TTC21B: variants seen among roughly 807,000 people sequenced by gnomAD.
TTC21B encodes tetratricopeptide repeat protein 21B.
A neutral mutation model predicts 175.1 loss-of-function variants in TTC21B; 127 were observed. The ratio of observed to expected loss-of-function variants is 0.73; its 90% CI spans 0.63 to 0.84. The LOEUF is 0.84. TTC21B is among the 40% of genes least tolerant of loss of function. TTC21B has a pLI of 0.00. For synonymous variants in TTC21B, 524 were observed against 524.5 expected, an observed-to-expected ratio of 1.00 and a Z score of 0.01; for missense variants, 1,561 against 1,558.3, an observed-to-expected ratio of 1.00 and a Z score of -0.03.
At position 165,930,079 on chromosome 2, in the gene TTC21B, C is replaced by T. The variant is rs1686830421; in HGVS notation, c.1087+93G>A. ...TAGAGAACAATTTAAGTTTAGAAAA[C>T]CACAAAATCCATGTGTTCTTCTCTA... is the stretch of plus-strand genomic sequence containing the variant. On this transcript the variant is annotated intron_variant, in intron 9 of 28. Coordinates refer to ENST00000243344, the MANE Select transcript of TTC21B (RefSeq NM_024753.5). 7.4e-5 allele frequency: 95 copies of T among 1,287,186 alleles called. 6 individuals carry two copies. In the South Asian group the frequency reaches 1.2e-3, roughly 16 times the overall value. 79.7% of individuals were successfully genotyped at this position (1,287,186 alleles called of 1,614,324 possible).
At chr2:165,911,732 A>T (rs982238612) in intron 17 of TTC21B, among the ~76,000 whole-genome samples, 1 of 151,282 alleles carries the variant, frequency 6.6e-6, no homozygotes, top group African/African-American at 2.4e-5. Context: ...ATGCAATCTC[A>T]GCTCACTGCA....
Position 165,884,644 on chromosome 2 carries a change from T to G in TTC21B, c.3460-626A>C, listed in dbSNP as rs114435863. Among the ~76,000 whole-genome samples, 784 of 152,364 alleles carry G rather than the reference T, an allele frequency of 5.1e-3. 4 individuals are homozygous for G. The highest frequency in any genetic ancestry group is 9.0e-3 in the Non-Finnish European group (612 of 68,036). ...ATGCCTTAAAATATGCTTTTAGATT[T>G]GGAGTCTGCAGCTTCCTAAAACAAT... On this transcript the variant is annotated intron_variant, in intron 25 of 28. Transcript: ENST00000243344.
At chr2:165,890,298 T>C (rs1372759180) in intron 24 of TTC21B, among the ~76,000 whole-genome samples, 181 bp downstream of exon 24, 2 of 152,200 alleles carry the variant, frequency 1.3e-5, no homozygotes, top group Admixed American at 6.5e-5. Flanking sequence ...TTCTATTGAA[T>C]AACTATTCAA....
chr2:165,888,716 T>C (rs1025468214), intron 24 of TTC21B, among the ~76,000 whole-genome samples: 4 of 152,220 alleles, frequency 2.6e-5, no homozygotes, highest in African/African-American at 9.6e-5. Flanking sequence ...AAGCATTAAT[T>C]TCCTCTAGAA....
Position 165,924,661 on chromosome 2 carries a change from T to C in TTC21B, c.1404A>G (p.Gln468=). 1.9e-6 allele frequency: 3 copies of C among 1,613,664 alleles called. No individual in the cohort carries two copies. Among genetic ancestry groups the C allele is most frequent in the South Asian group, 1.1e-5 (1 of 91,056 alleles). Residue 468 remains glutamine (Q), a synonymous_variant, in exon 12 of 29, where the codon CAA becomes CAG. Transcript: ENST00000243344. ...FCPMQPASPG[Q]PLCPLLRRCI... ...AACGCCTGAGAAGTGGACAAAGAGG[T>C]TGCCCAGGACTTGCAGGCTAAACAA... is the stretch of plus-strand genomic sequence containing the variant.
intron 22 of TTC21B, among the ~76,000 whole-genome samples, chr2:165,897,668 C>A (rs1685415566): frequency 6.6e-6 from 1 of 152,040 alleles, no homozygotes; most frequent in South Asian, 2.1e-4. Flanking sequence ...GGATATAAAG[C>A]CACGCACCTG....
chr2:165,883,878 C>T lies in TTC21B; in HGVS notation c.3600G>A (p.Trp1200Ter). 6.2e-7 allele frequency: 1 copy of T among 1,614,080 alleles called. No homozygotes were observed. The highest frequency in any genetic ancestry group is 8.5e-7 in the Non-Finnish European group (1 of 1,179,992). Residue 1200 changes from tryptophan (W) to a stop codon, truncating the protein, a stop_gained, in exon 26 of 29, where the codon TGG becomes TGA. Coordinates refer to ENST00000243344, the MANE Select transcript of TTC21B (RefSeq NM_024753.5). LOFTEE classifies it high-confidence loss of function. The stretch of plus-strand genomic sequence containing the variant: ...GAATGTAAATATCAGCAAGTAGCAG[C>T]CAACTCTTCTCAAACTCTTCAGCAT... ...AIDAEEFEKS[W>*]LLLADIYIQS... is the part of the protein sequence containing the mutation.
chr2:165,941,099 G>A lies in TTC21B; in HGVS notation c.638C>T (p.Pro213Leu), dbSNP rs1458251316. The change falls in exon 6 of 29, where the codon CCT becomes CTT. Residue 213 changes from proline (P) to leucine (L), a missense_variant. By Grantham distance (98) the Pro-to-Leu change is moderately conservative. Coordinates refer to ENST00000243344, the MANE Select transcript of TTC21B (RefSeq NM_024753.5). ...TAATTTCATTTTCTTAACAAAAGCAGGAAGGAAGCTCGGAAAATTCACGAT... is the reference window on the plus strand; with the variant it reads ...TAATTTCATTTTCTTAACAAAAGCAAGAAGGAAGCTCGGAAAATTCACGAT... ...QIIVNFPSFLPAFVKKMKLQL... is the reference protein window; with the variant it reads ...QIIVNFPSFLLAFVKKMKLQL... The A allele has an allele frequency of 6.2e-7, 1 of 1,613,928 alleles. No homozygotes were observed. Among genetic ancestry groups the A allele is most frequent in the South Asian group, 1.1e-5 (1 of 91,078 alleles).
chr2:165,904,511 C>G (rs946286828), intron 19 of TTC21B, among the ~76,000 whole-genome samples: 1 of 152,204 alleles, frequency 6.6e-6, no homozygotes. Flanking sequence ...AACCAAAACA[C>G]TACAAATTAA....
intron 11 of TTC21B, 143 bp from the exon 12 acceptor site, chr2:165,924,821 T>C: frequency 1.2e-6 from 1 of 859,110 alleles, no homozygotes; most frequent in Non-Finnish European, 1.8e-6. Flanking sequence ...TTGTAATACC[T>C]TTATTATGAC....
intron 11 of TTC21B, among the ~76,000 whole-genome samples, chr2:165,927,014 A>ATATATATATATATATATATC (rs1385347841): frequency 8.8e-6 from 1 of 113,018 alleles, no homozygotes; most frequent in African/African-American, 3.4e-5. Flanking sequence ...ATATATATAT[A>ATATATATATATATATATATC]TATCTCCTAG....
rs1349382906 is a variant in TTC21B, at chr2:165,879,582, A to C, written c.3805+1097T>G. On this transcript the variant is annotated intron_variant, in intron 27 of 28. Transcript: ENST00000243344. ...GATGCCATCTTAGGCTGAATTAACA[A>C]CTACAAATTGCCTAATCAAAAGAAA... The C allele has an allele frequency of 2.0e-5, 3 of 152,320 alleles. No homozygotes were observed. In the South Asian group the frequency reaches 6.2e-4, roughly 32 times the overall value. The allele number at this position is 152,320 out of a possible 1,614,324, so 9.4% of individuals were successfully genotyped here. A position where few individuals can be genotyped will look rare whatever the true frequency, so the allele number is the denominator to read the frequency against.
intron 11 of TTC21B, among the ~76,000 whole-genome samples, chr2:165,925,037 CAG>C (rs1277344598): frequency 6.6e-6 from 1 of 152,148 alleles, no homozygotes; most frequent in South Asian, 2.1e-4. Flanking sequence ...CTAGAACTGA[CAG>C]AGTCAAGGCA....
chr2:165,929,414 T>A, intron 10 of TTC21B, 79 bp from the exon 11 acceptor site: 9 of 1,197,272 alleles, frequency 7.5e-6, no homozygotes, highest in South Asian at 3.9e-5. Flanking sequence ...CAAATGCATA[T>A]AATGTGCTAC....
intron 26 of TTC21B, 34 bp from the exon 27 acceptor site, chr2:165,880,833 C>CTTGAT: frequency 6.2e-7 from 1 of 1,603,228 alleles, no homozygotes; most frequent in Non-Finnish European, 8.5e-7. Context: ...ATAGATTAAA[C>CTTGAT]TTGATATCAC....
At chr2:165,941,841 G>A (rs1026545323) in intron 5 of TTC21B, among the ~76,000 whole-genome samples, 7 of 152,096 alleles carry the variant, frequency 4.6e-5, no homozygotes, top group African/African-American at 7.2e-5. Flanking sequence ...ATTTGTAGAC[G>A]TAGATTTACT....
At chr2:165,929,360 A>C in intron 10 of TTC21B, 25 bp from the exon 11 acceptor site, 13 of 1,556,478 alleles carry the variant, frequency 8.4e-6, no homozygotes, top group Non-Finnish European at 1.1e-5. Context: ...GTTTTCATAA[A>C]TTATTCCATT....
intron 11 of TTC21B, among the ~76,000 whole-genome samples, chr2:165,927,363 AT>A (rs199810132): frequency 0.047 from 3,255 of 68,642 alleles, 460 homozygotes; most frequent in Non-Finnish European, 0.086. Flanking sequence ...TATTTTATAT[AT>A]ATATATATAT....
chr2:165,903,892 T>C (rs1685645781), intron 19 of TTC21B, among the ~76,000 whole-genome samples: 1 of 152,098 alleles, frequency 6.6e-6, no homozygotes, highest in South Asian at 2.1e-4. Context: ...TTAAGATTTG[T>C]CTCTTTGTCA....
Sources: allele counts gnomAD v4.1 joint callset (sites outside exome capture counted in the v4.1 genomes callset), GRCh38; gene constraint gnomAD v4.1.1; transcripts MANE v1.5; gene names NCBI Gene and HGNC (gene_info 2026-07-23, HGNC 2026-07-21).